The following ARHGAP15 variants were observed in gnomAD, a reference collection of about 807,000 sequenced individuals.
ARHGAP15 encodes the protein Rho GTPase activating protein 15, also known as rho GTPase-activating protein 15.
ARHGAP15 carries 51 observed loss-of-function variants against 63.7 expected under a neutral mutation model. The observed-to-expected ratio is 0.80, with a 90% CI of 0.64 to 1.01. The LOEUF is 1.01. ARHGAP15 is among the 50% of genes least tolerant of loss of function. The probability of loss-of-function intolerance (pLI) is 0.00; values close to 1 mark genes in which losing one functional copy is unlikely to be tolerated. For missense variants in ARHGAP15, 560 were observed against 564.6 expected (o/e 0.99, Z 0.08); for synonymous variants, 191 against 193.8 (o/e 0.99, Z 0.12).
chr2:143,691,354 G>C (rs1314072683), intron 12 of ARHGAP15, among the ~76,000 whole-genome samples: 1 of 152,122 alleles, frequency 6.6e-6, no homozygotes, highest in African/African-American at 2.4e-5. Context: ...TGTCTGCAGT[G>C]CACAGAGCTT....
intron 1 of ARHGAP15, among the ~76,000 whole-genome samples, chr2:143,153,834 T>TTCC (rs1689952091): frequency 5.6e-5 from 4 of 71,772 alleles, no homozygotes; most frequent in African/African-American, 2.2e-4. Flanking sequence ...CTTCTTCTTC[T>TTCC]TCTTCTTCTT....
intron 6 of ARHGAP15, chr2:143,435,300 T>C: frequency 9.5e-7 from 1 of 1,052,028 alleles, no homozygotes; most frequent in Non-Finnish European, 1.1e-6. Context: ...GTGTGTACTG[T>C]CTGCAGTTCT....
At chr2:143,618,669 G>C (rs963752472) in intron 11 of ARHGAP15, among the ~76,000 whole-genome samples, 1 of 152,086 alleles carries the variant, frequency 6.6e-6, no homozygotes, top group Non-Finnish European at 1.5e-5. Flanking sequence ...TTCTTGACTT[G>C]GTTACTCTTC....
At chr2:143,607,004 C>T (rs966820290) in intron 11 of ARHGAP15, 2 of 152,216 alleles carry the variant, frequency 1.3e-5, no homozygotes, top group East Asian at 1.9e-4. Context: ...ATATGCAATT[C>T]GTATCTACAT....
At chr2:143,530,187 G>A (rs1694460241) in intron 10 of ARHGAP15, among the ~76,000 whole-genome samples, 1 of 152,104 alleles carries the variant, frequency 6.6e-6, no homozygotes, top group South Asian at 2.1e-4. Context: ...ATATTATCCA[G>A]AATGTAAAGA....
At chr2:143,472,920 G>T (rs990890059) in intron 8 of ARHGAP15, among the ~76,000 whole-genome samples, 2 of 152,102 alleles carry the variant, frequency 1.3e-5, no homozygotes, top group Non-Finnish European at 2.9e-5. Flanking sequence ...CTCTTAATGC[G>T]CAAGCCTGTG....
chr2:143,432,797 T>C (rs1158836313), intron 6 of ARHGAP15, among the ~76,000 whole-genome samples: 2 of 152,020 alleles, frequency 1.3e-5, no homozygotes, highest in Non-Finnish European at 2.9e-5. Flanking sequence ...TGCCCTGATA[T>C]ATTCCTTCAA....
chr2:143,476,736 G>A (rs907700412), intron 8 of ARHGAP15, among the ~76,000 whole-genome samples: 1 of 152,064 alleles, frequency 6.6e-6, no homozygotes, highest in Non-Finnish European at 1.5e-5. Context: ...ATTCTGCAAG[G>A]AATCAATATT....
chr2:143,523,516 C>G (rs67258577), intron 10 of ARHGAP15, among the ~76,000 whole-genome samples: 32,256 of 151,914 alleles, frequency 0.21, 3,694 homozygotes, highest in Middle Eastern at 0.28. Flanking sequence ...AAAGGACATG[C>G]CTTAAGTGGC....
intron 8 of ARHGAP15, among the ~76,000 whole-genome samples, chr2:143,477,307 T>G (rs780904760): frequency 6.6e-6 from 1 of 152,026 alleles, no homozygotes; most frequent in Non-Finnish European, 1.5e-5. Flanking sequence ...TGAGAGACAC[T>G]GGGATGGAGG....
chr2:143,424,765 T>C (rs1689073805), intron 6 of ARHGAP15, among the ~76,000 whole-genome samples: 2 of 152,174 alleles, frequency 1.3e-5, no homozygotes, highest in Admixed American at 6.6e-5. Context: ...TATGTAATTG[T>C]TGTTTCTAAT....
intron 12 of ARHGAP15, among the ~76,000 whole-genome samples, chr2:143,658,967 A>C (rs1277826647): frequency 6.6e-6 from 1 of 152,210 alleles, no homozygotes; most frequent in Non-Finnish European, 1.5e-5. Context: ...CTTTAGAAAG[A>C]GAAGGAGAAG....
At chr2:143,171,560 C>A (rs1690781903) in intron 2 of ARHGAP15, among the ~76,000 whole-genome samples, 1 of 152,096 alleles carries the variant, frequency 6.6e-6, no homozygotes, top group African/African-American at 2.4e-5. Flanking sequence ...ATACTAACTA[C>A]ACCCTTACAT....
At chr2:143,550,445 G>A (rs1695505744) in intron 10 of ARHGAP15, among the ~76,000 whole-genome samples, 1 of 152,182 alleles carries the variant, frequency 6.6e-6, no homozygotes, top group African/African-American at 2.4e-5. Flanking sequence ...AAGGAGGGTA[G>A]TTGATGCTGA....
intron 13 of ARHGAP15, among the ~76,000 whole-genome samples, chr2:143,708,937 T>TCCTAGAATCTTATCAACTACATATCCA: frequency 6.6e-6 from 1 of 152,026 alleles, no homozygotes; most frequent in South Asian, 2.1e-4. Context: ...ATATAAACAC[T>TCCTAGAATCTTATCAACTACATATCCA]CCTAGAATCT....
rs1370719939 is a variant in ARHGAP15 at position 143,244,038 on chromosome 2, T to C, written c.385-6473T>C. ...ACTTAAAGTTGGTATAAAATGGAAA[T>C]ATTATTCCATATGTACTTCTCACTT... On this transcript the variant is annotated intron_variant, in intron 5 of 13. Transcript: ENST00000295095. 3.3e-5 allele frequency among the ~76,000 whole-genome samples: 5 copies of C among 152,352 alleles called. No individual in the cohort carries two copies. In the East Asian group the frequency reaches 7.7e-4, roughly 23 times the overall value.
At chr2:143,407,940 A>G (rs1026967959) in intron 6 of ARHGAP15, among the ~76,000 whole-genome samples, 3 of 133,610 alleles carry the variant, frequency 2.2e-5, no homozygotes, top group Non-Finnish European at 3.2e-5. Flanking sequence ...GTTTTCTGGA[A>G]TAATTTTTCT....
chr2:143,287,109 A>G (rs370041811), intron 6 of ARHGAP15, among the ~76,000 whole-genome samples: 5 of 152,194 alleles, frequency 3.3e-5, no homozygotes, highest in African/African-American at 7.2e-5. Context: ...GAACAAATGT[A>G]TAATTCTGTT....
At chr2:143,743,216 C>G (rs996413299) in intron 13 of ARHGAP15, among the ~76,000 whole-genome samples, 1 of 152,180 alleles carries the variant, frequency 6.6e-6, no homozygotes, top group African/African-American at 2.4e-5. Context: ...TGGGCAACCT[C>G]CCTGAGCCTC....
Sources: allele counts gnomAD v4.1 joint callset (sites outside exome capture counted in the v4.1 genomes callset), GRCh38; gene constraint gnomAD v4.1.1; transcripts MANE v1.5; gene names NCBI Gene and HGNC (gene_info 2026-07-23, HGNC 2026-07-21).